NCALD: variants seen among roughly 807,000 people sequenced by gnomAD.
The protein encoded by NCALD is neurocalcin-delta.
A neutral mutation model predicts 18.6 loss-of-function variants in NCALD; 10 were observed. The observed-to-expected ratio is 0.54, with a 90% CI of 0.33 to 0.91. The LOEUF is 0.91. NCALD is among the 40% of genes least tolerant of loss of function. The pLI, the probability that NCALD is intolerant of heterozygous loss-of-function variation, is 0.03. For synonymous variants in NCALD, 88 were observed against 87.4 expected, an observed-to-expected ratio of 1.01 and a Z score of -0.04; for missense variants, 184 against 247.6, an observed-to-expected ratio of 0.74 and a Z score of 1.72.
chr8:102,099,490 C>T (rs1164622360), intron 1 of NCALD, among the ~76,000 whole-genome samples: 1 of 152,138 alleles, frequency 6.6e-6, no homozygotes, highest in Non-Finnish European at 1.5e-5. Flanking sequence ...AAGTCCTTAT[C>T]AAGAGACAAT....
rs1821401098 is a variant in NCALD at position 102,000,235 on chromosome 8, C to T, written c.-157+20002G>A. ...GCACACCAGGAGACCATATTCCGCG[C>T]CTGGCTCAGAGGGTCCTACACCCAC... On this transcript the variant is annotated intron_variant, in intron 2 of 6. Coordinates refer to the NCALD transcript ENST00000311028. Among the ~76,000 whole-genome samples the T allele has an allele frequency of 2.6e-5, 4 of 152,244 alleles. No individual in the cohort carries two copies. In the South Asian group the frequency reaches 8.3e-4, roughly 32 times the overall value.
chr8:101,989,356 C>T (rs1415568553), intron 2 of NCALD, among the ~76,000 whole-genome samples: 1 of 152,058 alleles, frequency 6.6e-6, no homozygotes, highest in African/African-American at 2.4e-5. Flanking sequence ...TGTTTCTCAC[C>T]CTTAATGCAC....
intron 4 of NCALD, among the ~76,000 whole-genome samples, chr8:101,858,810 T>C (rs1046761645): frequency 3.3e-5 from 5 of 152,204 alleles, no homozygotes; most frequent in South Asian, 2.1e-4. Context: ...CTTGTTAGTA[T>C]AGTGCACTTA....
chr8:101,738,392 A>G (rs1032638788), intron 1 of NCALD, among the ~76,000 whole-genome samples: 7 of 151,890 alleles, frequency 4.6e-5, no homozygotes, highest in African/African-American at 1.7e-4. Flanking sequence ...CAAAATACAA[A>G]AATTAGCTGG....
At chr8:101,814,167 C>G (rs968192571) in intron 4 of NCALD, among the ~76,000 whole-genome samples, 3 of 151,926 alleles carry the variant, frequency 2.0e-5, no homozygotes, top group African/African-American at 7.2e-5. Context: ...ATGTGGCCAG[C>G]ATTATCCTAG....
intron 4 of NCALD, among the ~76,000 whole-genome samples, chr8:101,799,120 A>G (rs1165683570): frequency 6.6e-6 from 1 of 152,196 alleles, no homozygotes; most frequent in Non-Finnish European, 1.5e-5. Context: ...ACACAATCCA[A>G]CTAGAGAATA....
At position 102,120,703 on chromosome 8, in the gene NCALD, G is replaced by A. The variant is rs1563635180; in HGVS notation, c.-210+3534C>T. Among the ~76,000 whole-genome samples, 3 of 152,156 alleles carry A rather than the reference G, an allele frequency of 2.0e-5. 1 individual carries two copies. The highest frequency in any genetic ancestry group is 2.0e-4 in the Admixed American group (3 of 15,284). ...TTTTTGCTAAAACAGTTTGAATGTT[G>A]GGGTTCCTGACACAACAGAATTGAG... On this transcript the variant is annotated intron_variant, in intron 1 of 6. Coordinates refer to the NCALD transcript ENST00000311028.
chr8:101,926,872 T>C (rs1191017057), intron 2 of NCALD, among the ~76,000 whole-genome samples: 1 of 152,228 alleles, frequency 6.6e-6, no homozygotes, highest in Non-Finnish European at 1.5e-5. Context: ...CCAGGAATGC[T>C]TTTCTCATGT....
intron 2 of NCALD, among the ~76,000 whole-genome samples, chr8:101,939,129 T>G (rs1193223223): frequency 2.0e-5 from 3 of 152,158 alleles, no homozygotes; most frequent in Non-Finnish European, 4.4e-5. Flanking sequence ...CCACAGTCCT[T>G]GATGTCTTTC....
chr8:101,837,565 C>A (rs1483812453), intron 4 of NCALD, among the ~76,000 whole-genome samples: 2 of 152,218 alleles, frequency 1.3e-5, no homozygotes, highest in African/African-American at 2.4e-5. Context: ...GTCTTTCCCA[C>A]TGGGGCTACT....
chr8:101,973,305 T>C (rs1448841444), intron 2 of NCALD, among the ~76,000 whole-genome samples: 1 of 152,124 alleles, frequency 6.6e-6, no homozygotes, highest in Non-Finnish European at 1.5e-5. Context: ...CAGACTTGCC[T>C]CGCTTTTGAT....
chr8:101,744,435 TAGTCAAAGAAACAGTTCCAA>T (rs1810343752), intron 1 of NCALD, among the ~76,000 whole-genome samples: 1 of 152,368 alleles, frequency 6.6e-6, no homozygotes, highest in Admixed American at 6.5e-5. Flanking sequence ...GTGATTATCA[TAGTCAAAGAAACAGTTCCAA>T]AGTAACGGAG....
At position 102,053,773 on chromosome 8, in the gene NCALD, AT is replaced by A. The variant is rs1427311615; in HGVS notation, c.-209-33485del. The stretch of plus-strand genomic sequence containing the variant: ...TACTTTTACTGACACACAAATGCAT[AT>A]TTTTAAGGACTCTGAGTCTTAAAAT... On this transcript the variant is annotated intron_variant, in intron 1 of 6. Transcript: ENST00000311028. Among the ~76,000 whole-genome samples the A allele has an allele frequency of 2.6e-5, 4 of 152,222 alleles. No homozygotes were observed. In the East Asian group the frequency reaches 7.7e-4, roughly 29 times the overall value.
chr8:102,036,147 T>TAAATAAATAAATA lies in NCALD; in HGVS notation c.-209-15859_-209-15858insTATTTATTTATTT, dbSNP rs1264046653. The stretch of plus-strand genomic sequence containing the variant: ...TACAAAAATAAATAAATAAATAAAT[T>TAAATAAATAAATA]AATTAATTAATTAAATTAGCCAGGT... On this transcript the variant is annotated intron_variant, in intron 1 of 6. Transcript: ENST00000311028. Among the ~76,000 whole-genome samples, 836 of 145,618 alleles carry TAAATAAATAAATA rather than the reference T, an allele frequency of 5.7e-3. 2 individuals are homozygous for TAAATAAATAAATA. The highest frequency in any genetic ancestry group is 8.1e-3 in the Non-Finnish European group (544 of 67,446).
At chr8:102,010,197 C>T (rs1008860757) in intron 2 of NCALD, among the ~76,000 whole-genome samples, 3 of 152,236 alleles carry the variant, frequency 2.0e-5, no homozygotes, top group Non-Finnish European at 4.4e-5. Flanking sequence ...CCAACCCTTG[C>T]CTCTTTGCAC....
intron 2 of NCALD, among the ~76,000 whole-genome samples, chr8:101,713,464 C>A (rs116071692): frequency 0.027 from 3,868 of 143,604 alleles, 127 homozygotes; most frequent in African/African-American, 0.083. Context: ...CAAAAAAAAA[C>A]CATAAAAAAA....
chr8:101,855,333 G>C (rs1467137405), intron 4 of NCALD, among the ~76,000 whole-genome samples: 1 of 152,136 alleles, frequency 6.6e-6, no homozygotes, highest in Non-Finnish European at 1.5e-5. Context: ...GCACTAGATT[G>C]CTCATGTGAG....
At chr8:102,062,211 G>A (rs972936515) in intron 1 of NCALD, among the ~76,000 whole-genome samples, 2 of 152,236 alleles carry the variant, frequency 1.3e-5, no homozygotes, top group South Asian at 4.1e-4. Flanking sequence ...GCTGAGAGGA[G>A]AAGATCCCTT....
Position 101,719,635 on chromosome 8 carries a change from C to G in NCALD, c.-6G>C. ...TTGCTGTTCTGTTTCCCCATCCTGG[C>G]GGCAAGAATTCAGCTGCAGATAGAA... On this transcript the variant is annotated 5_prime_UTR_variant, in exon 2 of 4. Transcript: ENST00000220931. 1 of 1,559,592 alleles carries G rather than the reference C, an allele frequency of 6.4e-7. No homozygotes were observed. Among genetic ancestry groups the G allele is most frequent in the Non-Finnish European group, 8.6e-7 (1 of 1,156,566 alleles).
Sources: allele counts gnomAD v4.1 joint callset (sites outside exome capture counted in the v4.1 genomes callset), GRCh38; gene constraint gnomAD v4.1.1; transcripts MANE v1.5; gene names NCBI Gene and HGNC (gene_info 2026-07-23, HGNC 2026-07-21).